The following FGGY variants were observed in gnomAD, a reference collection of about 807,000 sequenced individuals.
FGGY encodes the protein FGGY carbohydrate kinase domain containing.
Under a neutral mutation model 71.3 loss-of-function variants are expected in FGGY, and 72 were observed. That is an observed-to-expected ratio of 1.01 (90% CI 0.84 to 1.23). The LOEUF (loss-of-function observed/expected upper bound fraction) is 1.23, where lower values mean the gene tolerates loss of function less well. Ranked by LOEUF, FGGY falls within the 50% of genes most tolerant of loss-of-function variation. The probability of loss-of-function intolerance (pLI) is 0.00; values close to 1 mark genes in which losing one functional copy is unlikely to be tolerated. For missense variants in FGGY, 668 were observed against 682.3 expected (o/e 0.98, Z 0.23); for synonymous variants, 251 against 250.3 (o/e 1.00, Z -0.02).
At chr1:59,689,941 C>G (rs764435366) in intron 14 of FGGY, among the ~76,000 whole-genome samples, 4 of 152,156 alleles carry the variant, frequency 2.6e-5, no homozygotes, top group Non-Finnish European at 4.4e-5. Flanking sequence ...ATAGAGTTGA[C>G]GGCAGTGAAA....
chr1:59,334,860 A>C (rs949135779), intron 2 of FGGY, among the ~76,000 whole-genome samples: 1 of 152,236 alleles, frequency 6.6e-6, no homozygotes, highest in African/African-American at 2.4e-5. Context: ...AAACAAAAAT[A>C]AAAAATAGAA....
intron 14 of FGGY, among the ~76,000 whole-genome samples, chr1:59,708,428 G>T (rs900887896): frequency 6.6e-6 from 1 of 152,110 alleles, no homozygotes; most frequent in African/African-American, 2.4e-5. Context: ...CTAGACCAGG[G>T]GAATACCAGG....
intron 14 of FGGY, among the ~76,000 whole-genome samples, chr1:59,682,539 G>A (rs77124981): frequency 0.02 from 2,993 of 152,282 alleles, 98 homozygotes; most frequent in African/African-American, 0.068. Context: ...AGGGAAAAGT[G>A]CAGTTACTGG....
In FGGY at chr1:59,512,403, G is replaced by A. The variant is rs747251536; in HGVS notation, c.763G>A (p.Ala255Thr). The A allele has an allele frequency of 2.0e-5, 32 of 1,613,620 alleles. 1 individual carries two copies. Among genetic ancestry groups the A allele is most frequent in the African/African-American group, 5.3e-5 (4 of 74,904 alleles). ...TGGCCTTCTCCCTGGGATTGCGGTC[G>A]CAGCTTCACTCATTGATGCCCATGC... ...DLGLLPGIAV[A>T]ASLIDAHAGG... Residue 255 changes from alanine to threonine, a missense_variant, in exon 7 of 16, where the codon GCA (alanine) becomes ACA (threonine). This residue lies in a region of FGGY where 661 missense variants were observed against 661.6 expected (regional missense o/e 1.00). Transcript: ENST00000303721.
chr1:59,331,294 C>T (rs76241027), intron 2 of FGGY, among the ~76,000 whole-genome samples: 3,165 of 152,234 alleles, frequency 0.021, 52 homozygotes, highest in East Asian at 0.05. Context: ...CAATACCATA[C>T]CTAAGCTGGG....
rs772829086 is a variant in FGGY at position 59,762,537 on chromosome 1, C to G, written c.1609C>G (p.Leu537Val). The G allele has an allele frequency of 1.2e-6, 2 of 1,613,712 alleles. No homozygotes were observed. The highest frequency in any genetic ancestry group is 1.3e-5 in the African/African-American group (1 of 74,934). Residue 537 changes from leucine (L) to valine (V), a missense_variant, in exon 16 of 16, where the codon CTG becomes GTG. Physicochemically the swap from Leu to Val is conservative, Grantham distance 32. Coordinates refer to ENST00000303721, the MANE Select transcript of FGGY (RefSeq NM_018291.5). ...YDKKYQVFLK[L>V]VEHQKEYLAI... ...TAAGAAATACCAAGTATTCCTGAAG[C>G]TGGTTGAACACCAGAAGGAGTATTT...
At chr1:59,551,487 A>G (rs990646199) in intron 7 of FGGY, among the ~76,000 whole-genome samples, 3 of 152,196 alleles carry the variant, frequency 2.0e-5, no homozygotes, top group African/African-American at 2.4e-5. Flanking sequence ...TATTTATGAT[A>G]CTGTGGAGCA....
chr1:59,760,525 G>A (rs1231679434), intron 15 of FGGY, among the ~76,000 whole-genome samples: 3 of 152,140 alleles, frequency 2.0e-5, no homozygotes, highest in African/African-American at 4.8e-5. Flanking sequence ...TCATGATAGC[G>A]AAAATCATGA....
intron 15 of FGGY, among the ~76,000 whole-genome samples, chr1:59,760,051 A>C (rs926450346): frequency 6.6e-6 from 1 of 152,216 alleles, no homozygotes; most frequent in African/African-American, 2.4e-5. Context: ...ACATCCAGTA[A>C]GGGATTGATA....
At chr1:59,382,719 G>C (rs1055579027) in intron 5 of FGGY, among the ~76,000 whole-genome samples, 1 of 152,182 alleles carries the variant, frequency 6.6e-6, no homozygotes, top group Non-Finnish European at 1.5e-5. Context: ...TAGTCAAGCA[G>C]TGCTAGTTGT....
Position 59,638,379 on chromosome 1 carries a change from A to T in FGGY, c.1221+4A>T, listed in dbSNP as rs1248626316. On this transcript the variant is annotated splice_donor_region_variant and intron_variant, in intron 11 of 15. Transcript: ENST00000303721. The stretch of plus-strand genomic sequence containing the variant: ...AGATCTGACACTAAAGGGCATGGTA[A>T]GTAACAGCTAGTCCTTGCACATGGG... 1 of 1,614,214 alleles carries T rather than the reference A, an allele frequency of 6.2e-7. No homozygotes were observed. Among genetic ancestry groups the T allele is most frequent in the Admixed American group, 1.7e-5 (1 of 60,032 alleles).
At chr1:59,330,540 G>A (rs564482094) in intron 2 of FGGY, among the ~76,000 whole-genome samples, 28 of 150,122 alleles carry the variant, frequency 1.9e-4, no homozygotes, top group African/African-American at 6.8e-4. Context: ...CTGCCCTCCA[G>A]CCTGGGCGAC....
chr1:59,698,255 A>G (rs748166590), intron 14 of FGGY, among the ~76,000 whole-genome samples: 3 of 152,150 alleles, frequency 2.0e-5, no homozygotes, highest in African/African-American at 7.2e-5. Flanking sequence ...TCTGCATGTC[A>G]TATGTATCAT....
intron 6 of FGGY, among the ~76,000 whole-genome samples, chr1:59,461,137 T>A (rs2092171334): frequency 6.6e-6 from 1 of 152,148 alleles, no homozygotes; most frequent in East Asian, 1.9e-4. Context: ...TAAAGGAGGA[T>A]ATTCAACCCC....
intron 4 of FGGY, among the ~76,000 whole-genome samples, chr1:59,376,382 G>A (rs1358170618): frequency 6.6e-6 from 1 of 152,154 alleles, no homozygotes; most frequent in Non-Finnish European, 1.5e-5. Flanking sequence ...GAACTCTTTT[G>A]ATATTGTTTT....
intron 14 of FGGY, among the ~76,000 whole-genome samples, chr1:59,744,345 C>T (rs1472567305): frequency 1.3e-5 from 2 of 152,160 alleles, no homozygotes; most frequent in South Asian, 2.1e-4. Context: ...CTCAGCCTCC[C>T]AAGTAGCTGG....
intron 5 of FGGY, among the ~76,000 whole-genome samples, chr1:59,451,011 T>C (rs149657816): frequency 6.6e-6 from 1 of 152,246 alleles, no homozygotes; most frequent in African/African-American, 2.4e-5. Context: ...CCATTCACAT[T>C]TGATGAAATA....
chr1:59,527,984 C>T (rs1570710083), intron 7 of FGGY, among the ~76,000 whole-genome samples: 4 of 152,046 alleles, frequency 2.6e-5, no homozygotes, highest in Admixed American at 2.0e-4. Context: ...ATGCGGATGG[C>T]TGGGTCCCCA....
chr1:59,721,759 A>T (rs1395181768), intron 14 of FGGY, among the ~76,000 whole-genome samples: 1 of 151,654 alleles, frequency 6.6e-6, no homozygotes, highest in Non-Finnish European at 1.5e-5. Context: ...ATTTTATTTT[A>T]TTTGTTCACC....
Sources: allele counts gnomAD v4.1 joint callset (sites outside exome capture counted in the v4.1 genomes callset), GRCh38; gene constraint gnomAD v4.1.1; regional missense constraint gnomAD v4.1.1; transcripts MANE v1.5; gene names NCBI Gene and HGNC (gene_info 2026-07-23, HGNC 2026-07-21).